SS18L1: variants seen among roughly 807,000 people sequenced by gnomAD.
The protein encoded by SS18L1 is SS18L1 subunit of BAF chromatin remodeling complex, also known as calcium-responsive transactivator.
Under a neutral mutation model 70.3 loss-of-function variants are expected in SS18L1, and 32 were observed. The observed-to-expected ratio is 0.46, with a 90% CI of 0.34 to 0.61. The LOEUF (loss-of-function observed/expected upper bound fraction) is 0.61, where lower values mean the gene tolerates loss of function less well. Among genes scored for constraint, SS18L1 ranks in the 20% least tolerant of loss-of-function variants. The pLI is 0.01. For missense variants in SS18L1, 430 were observed against 542.1 expected (o/e 0.79, Z 2.05); for synonymous variants, 237 against 229.7 (o/e 1.03, Z -0.29).
At position 62,180,516 on chromosome 20, in the gene SS18L1, C is replaced by T. The variant is rs530158655; in HGVS notation, c.*1308C>T. 2 of 181,036 alleles carry T rather than the reference C, an allele frequency of 1.1e-5. No homozygotes were observed. 11.2% of individuals were successfully genotyped at this position (181,036 alleles called of 1,614,324 possible). ...AATGCTGACAGATTTCCAAGAACTA[C>T]CAAGAAAATACAAGAGATATCCAAT... is the stretch of plus-strand genomic sequence containing the variant. On this transcript the variant is annotated 3_prime_UTR_variant, in exon 11 of 11. Transcript: ENST00000331758.
chr20:62,152,358 GCCCCC>G (rs2057149054), intron 1 of SS18L1, among the ~76,000 whole-genome samples: 1 of 152,216 alleles, frequency 6.6e-6, no homozygotes, highest in Non-Finnish European at 1.5e-5. Context: ...CCTTGCTGCG[GCCCCC>G]GATGCCAGCC....
chr20:62,161,661 G>A lies in SS18L1; in HGVS notation c.376+81G>A, dbSNP rs945314202. Reference sequence around the variant, plus strand: ...TTGGGCAGCCGGCTGCCATGGTGGGGCACCCCACCCCTCACAGGGCTGGGC... The same window carrying A: ...TTGGGCAGCCGGCTGCCATGGTGGGACACCCCACCCCTCACAGGGCTGGGC... On this transcript the variant is annotated intron_variant, in intron 4 of 10. Transcript: ENST00000331758. This position sits in a 1 kb window ranked among gnomAD's most constrained non-coding sequence, Gnocchi z 4.4. 4.6e-6 allele frequency: 7 copies of A among 1,529,264 alleles called. No homozygotes were observed. The Admixed American group carries it at 5.8e-5, about 13-fold the overall frequency. The allele number at this position is 1,529,264 out of a possible 1,614,324, so 94.7% of individuals were successfully genotyped here.
intron 1 of SS18L1, among the ~76,000 whole-genome samples, chr20:62,145,990 C>T (rs2057018074): frequency 6.7e-6 from 1 of 148,830 alleles, no homozygotes; most frequent in Non-Finnish European, 1.5e-5. Flanking sequence ...GTCCTTACAG[C>T]ATTCTGCGTG....
At chr20:62,171,438 G>C (rs73307480) in intron 8 of SS18L1, among the ~76,000 whole-genome samples, 7,185 of 152,184 alleles carry the variant, frequency 0.047, 268 homozygotes, top group African/African-American at 0.093. Context: ...GGAAGTTCAA[G>C]ACTCAAGATA....
chr20:62,179,730 G>GGGGGGGGGGGGGGGGGGCCCCCCC lies in SS18L1; in HGVS notation c.*522_*523insGGGGGGGGGGGGGGGGGCCCCCCC. On this transcript the variant is annotated 3_prime_UTR_variant, in exon 11 of 11. Coordinates refer to ENST00000331758, the MANE Select transcript of SS18L1 (RefSeq NM_198935.3). ...GTGCCTCGATGGGGTGGGTGGGAGG[G>GGGGGGGGGGGGGGGGGGCCCCCCC]CATCTTCTGTGCGTTGGGTCAGTTT... 1.0e-5 allele frequency: 1 copy of GGGGGGGGGGGGGGGGGGCCCCCCC among 96,714 alleles called. No individual in the cohort carries two copies. Among genetic ancestry groups the GGGGGGGGGGGGGGGGGGCCCCCCC allele is most frequent in the African/African-American group, 4.0e-5 (1 of 25,044 alleles). The allele number at this position is 96,714 out of a possible 1,614,324, so 6.0% of individuals were successfully genotyped here. A position where few individuals can be genotyped will look rare whatever the true frequency, so the allele number is the denominator to read the frequency against.
chr20:62,163,506 A>G lies in SS18L1; in HGVS notation c.605A>G (p.Gln202Arg), dbSNP rs949988077. 6.2e-7 allele frequency: 1 copy of G among 1,612,100 alleles called. No homozygotes were observed. The highest frequency in any genetic ancestry group is 8.5e-7 in the Non-Finnish European group (1 of 1,179,828). The change falls in exon 6 of 11, where the codon CAG becomes CGG. Residue 202 changes from glutamine (Q) to arginine (R), a missense_variant. Coordinates refer to ENST00000331758, the MANE Select transcript of SS18L1 (RefSeq NM_198935.3). ...QAATSHYSSA[Q>R]GGSQHYQGQS... ...GCCACGTCGCACTACAGCTCGGCGC[A>G]GGGCGGCAGCCAGCACTACCAGGGC...
intron 1 of SS18L1, among the ~76,000 whole-genome samples, chr20:62,146,300 C>T (rs2057024759): frequency 1.3e-5 from 2 of 152,210 alleles, no homozygotes; most frequent in South Asian, 4.1e-4. Context: ...TTTGCTGATC[C>T]CCAGCCTCTC....
intron 8 of SS18L1, among the ~76,000 whole-genome samples, chr20:62,168,985 G>C (rs2057481980): frequency 6.6e-6 from 1 of 152,082 alleles, no homozygotes; most frequent in Non-Finnish European, 1.5e-5. Flanking sequence ...CCAGAGTGGG[G>C]CTGACCAAGC....
In SS18L1 at chr20:62,182,428, G is replaced by C. The variant is rs1010678014; in HGVS notation, c.*3220G>C. 1 of 196,740 alleles carries C rather than the reference G, an allele frequency of 5.1e-6. No individual in the cohort carries two copies. Among genetic ancestry groups the C allele is most frequent in the Middle Eastern group, 1.8e-3 (1 of 560 alleles). The allele number at this position is 196,740 out of a possible 1,614,324, so 12.2% of individuals were successfully genotyped here. On this transcript the variant is annotated 3_prime_UTR_variant, in exon 11 of 11. Coordinates refer to ENST00000331758, the MANE Select transcript of SS18L1 (RefSeq NM_198935.3). ...ATTTTTTTTTCAGTCGGAGTTTGAC[G>C]TATAAATTGTTTATGCTTTTGGTGT...
At chr20:62,160,630 C>T (rs766297757) in intron 3 of SS18L1, among the ~76,000 whole-genome samples, 33 of 152,214 alleles carry the variant, frequency 2.2e-4, no homozygotes, top group Admixed American at 6.5e-4. Context: ...GGTCGTGCTG[C>T]TGCAGCCTCT....
rs553475068 is a variant in SS18L1, at chr20:62,150,363, G to A, written c.69+6474G>A. ...CGATGTCTGCCCCGAGAACAGGAGT[G>A]GCAGGCGCTAGCGCAGGTGCCATCG... On this transcript the variant is annotated intron_variant, in intron 1 of 10. Coordinates refer to ENST00000331758, the MANE Select transcript of SS18L1 (RefSeq NM_198935.3). Among the ~76,000 whole-genome samples, 4 of 152,332 alleles carry A rather than the reference G, an allele frequency of 2.6e-5. No homozygotes were observed. The East Asian group carries it at 7.7e-4, about 29-fold the overall frequency.
intron 1 of SS18L1, chr20:62,154,596 C>T (rs995042301): frequency 2.3e-5 from 22 of 962,752 alleles, no homozygotes; most frequent in Non-Finnish European, 2.7e-5. Context: ...CGGAAGTCTC[C>T]GTGAGGTCGT....
intron 1 of SS18L1, among the ~76,000 whole-genome samples, chr20:62,153,410 C>T (rs2057168915): frequency 6.6e-6 from 1 of 152,176 alleles, no homozygotes; most frequent in African/African-American, 2.4e-5. Flanking sequence ...CAAGGCCAAA[C>T]CAAGTGGCCA....
rs898733781 is a variant in SS18L1 at position 62,161,956 on chromosome 20, C to T, written c.376+376C>T. On this transcript the variant is annotated intron_variant, in intron 4 of 10. Transcript: ENST00000331758. This position sits in a 1 kb window ranked among gnomAD's most constrained non-coding sequence, Gnocchi z 4.4. The stretch of plus-strand genomic sequence containing the variant: ...ATATAACAGGCCGGGTGTGGTGGCT[C>T]AGATCTCTAATCCCAACCCTTTGTG... Among the ~76,000 whole-genome samples, 9 of 152,192 alleles carry T rather than the reference C, an allele frequency of 5.9e-5. No individual in the cohort carries two copies. Among genetic ancestry groups the T allele is most frequent in the African/African-American group, 2.2e-4 (9 of 41,440 alleles).
rs562420995 is a variant in SS18L1, at chr20:62,151,342, C to T, written c.70-7330C>T. Among the ~76,000 whole-genome samples the T allele has an allele frequency of 2.5e-4, 38 of 152,316 alleles. 1 individual carries two copies. The South Asian group carries it at 6.2e-3, about 25-fold the overall frequency. On this transcript the variant is annotated intron_variant, in intron 1 of 10. Coordinates refer to ENST00000331758, the MANE Select transcript of SS18L1 (RefSeq NM_198935.3). Reference sequence around the variant, plus strand: ...CCTCCAAGCCAAGCCCCGTGTCCCCCGTCAGTCCCCGCTTGCCAAATCCAG... The same window carrying T: ...CCTCCAAGCCAAGCCCCGTGTCCCCTGTCAGTCCCCGCTTGCCAAATCCAG...
intron 3 of SS18L1, among the ~76,000 whole-genome samples, chr20:62,160,372 TG>T (rs1414074048): frequency 1.7e-3 from 10 of 5,884 alleles, no homozygotes; most frequent in Admixed American, 2.3e-3. Context: ...TGGGGAGAGG[TG>T]GGGAGAGGTG....
rs2057348854 is a variant in SS18L1, at chr20:62,162,561, C to T, written c.377-191C>T. The T allele has an allele frequency of 5.0e-6, 3 of 595,990 alleles. No individual in the cohort carries two copies. In the South Asian group the frequency reaches 7.3e-5, roughly 15 times the overall value. 36.9% of individuals were successfully genotyped at this position (595,990 alleles called of 1,614,324 possible). Reference sequence around the variant, plus strand: ...TCAGGTGATCCACCCACCTCGGCCTCCCAAAGTGCTGGGATTACAGGCATG... The same window carrying T: ...TCAGGTGATCCACCCACCTCGGCCTTCCAAAGTGCTGGGATTACAGGCATG... On this transcript the variant is annotated intron_variant, in intron 4 of 10. Coordinates refer to ENST00000331758, the MANE Select transcript of SS18L1 (RefSeq NM_198935.3).
chr20:62,161,410 C>T lies in SS18L1; in HGVS notation c.232-26C>T, dbSNP rs2057327244. The T allele has an allele frequency of 1.9e-6, 3 of 1,612,688 alleles. No homozygotes were observed. The highest frequency in any genetic ancestry group is 2.5e-6 in the Non-Finnish European group (3 of 1,179,978). On this transcript the variant is annotated intron_variant, in intron 3 of 10. Coordinates refer to ENST00000331758, the MANE Select transcript of SS18L1 (RefSeq NM_198935.3). This position sits in a 1 kb window ranked among gnomAD's most constrained non-coding sequence, Gnocchi z 4.4. Reference sequence around the variant, plus strand: ...CGCTCTCCGTAAATTAACCGTTTTTCCCTGAAAACTTCCTGTTGCCTGCAG... The same window carrying T: ...CGCTCTCCGTAAATTAACCGTTTTTTCCTGAAAACTTCCTGTTGCCTGCAG...
At chr20:62,173,348 A>G (rs1219918362) in intron 9 of SS18L1, among the ~76,000 whole-genome samples, 1 of 152,214 alleles carries the variant, frequency 6.6e-6, no homozygotes, top group East Asian at 1.9e-4. Flanking sequence ...GTGGTTTCTT[A>G]TGAGGCACGT....
Sources: allele counts gnomAD v4.1 joint callset (sites outside exome capture counted in the v4.1 genomes callset), GRCh38; gene constraint gnomAD v4.1.1; non-coding constraint Gnocchi (gnomAD v3.1); transcripts MANE v1.5; gene names NCBI Gene and HGNC (gene_info 2026-07-23, HGNC 2026-07-21).